The following MEPE variants were observed in gnomAD, a reference collection of about 807,000 sequenced individuals.
MEPE encodes matrix extracellular phosphoglycoprotein, also known as matrix, extracellular phosphoglycoprotein with ASARM motif (bone).
MEPE carries 7 observed loss-of-function variants against 7.3 expected under a neutral mutation model. That is an observed-to-expected ratio of 0.95 (90% CI 0.54 to 1.79). The LOEUF is 1.79. Ranked by LOEUF, MEPE falls within the 40% of genes most tolerant of loss-of-function variation. MEPE has a pLI of 0.00. For synonymous variants in MEPE, 214 were observed against 213.1 expected, an observed-to-expected ratio of 1.00 and a Z score of -0.04; for missense variants, 623 against 628.2, an observed-to-expected ratio of 0.99 and a Z score of 0.09.
chr4:87,838,372 G>T (rs951371568), intron 2 of MEPE, among the ~76,000 whole-genome samples: 5 of 152,236 alleles, frequency 3.3e-5, no homozygotes, highest in Non-Finnish European at 7.4e-5. Flanking sequence ...CCACTTAGCG[G>T]TTGTCTGAGC....
chr4:87,841,891 A>G (rs1723030126), intron 3 of MEPE, among the ~76,000 whole-genome samples: 1 of 152,228 alleles, frequency 6.6e-6, no homozygotes, highest in Non-Finnish European at 1.5e-5. Context: ...ACCGTTGTGT[A>G]TCCAGTAATT....
At chr4:87,842,959 C>T (rs969919169) in intron 3 of MEPE, among the ~76,000 whole-genome samples, 3 of 152,148 alleles carry the variant, frequency 2.0e-5, no homozygotes, top group Non-Finnish European at 2.9e-5. Flanking sequence ...CTGTATATTG[C>T]TTTCTGAGCT....
intron 1 of MEPE, among the ~76,000 whole-genome samples, chr4:87,822,964 G>A (rs1722372773): frequency 6.6e-6 from 1 of 152,314 alleles, no homozygotes; most frequent in South Asian, 2.1e-4. Context: ...TGGTTGGTAT[G>A]GAGTTGTGCA....
intron 1 of MEPE, among the ~76,000 whole-genome samples, chr4:87,833,487 A>G (rs986442155): frequency 7.2e-5 from 11 of 152,220 alleles, no homozygotes; most frequent in Non-Finnish European, 1.5e-4. Context: ...TAATTTAGAA[A>G]AACATAGCCT....
chr4:87,841,376 T>G (rs1156551766), intron 3 of MEPE, among the ~76,000 whole-genome samples: 1 of 152,220 alleles, frequency 6.6e-6, no homozygotes, highest in Non-Finnish European at 1.5e-5. Context: ...AGTGATATAC[T>G]ACAAAGTTTA....
chr4:87,846,120 C>A lies in MEPE; in HGVS notation c.1252C>A (p.Gln418Lys), dbSNP rs1372342605. 2 of 1,592,816 alleles carry A rather than the reference C, an allele frequency of 1.3e-6. No homozygotes were observed. Among genetic ancestry groups the A allele is most frequent in the East Asian group, 2.3e-5 (1 of 43,916 alleles). ...RKGVDHSNRNQATLNEKQRFP... is the reference protein window; with the variant it reads ...RKGVDHSNRNKATLNEKQRFP... ...GGGTGTAGATCATTCTAATAGGAAC[C>A]AAGCAACCTTAAATGAAAAACAAAG... The change falls in exon 4 of 4, where the codon CAA becomes AAA. Residue 418 changes from glutamine (Q) to lysine (K), a missense_variant. Physicochemically the swap from Gln to Lys is moderately conservative, Grantham distance 53. Coordinates refer to ENST00000361056, the MANE Select transcript of MEPE (RefSeq NM_020203.6).
intron 3 of MEPE, chr4:87,839,555 G>C: frequency 1.5e-6 from 1 of 652,904 alleles, no homozygotes; most frequent in Non-Finnish European, 2.7e-6. Context: ...GTTATAAGAA[G>C]TACTACCATT....
rs1722401635 is a variant in MEPE at position 87,823,856 on chromosome 4, A to T, written c.-13+2385A>T. Among the ~76,000 whole-genome samples the T allele has an allele frequency of 2.0e-5, 3 of 152,218 alleles. No individual in the cohort carries two copies. In the South Asian group the frequency reaches 6.2e-4, roughly 32 times the overall value. Reference sequence around the variant, plus strand: ...TCAATTGAAAGTAAACCATGAAGCAATGACTTGGACATTTTGTTTATCCAT... The same window carrying T: ...TCAATTGAAAGTAAACCATGAAGCATTGACTTGGACATTTTGTTTATCCAT... On this transcript the variant is annotated intron_variant, in intron 1 of 3. Coordinates refer to the MEPE transcript ENST00000424957.
chr4:87,841,397 T>G (rs1578061259), intron 3 of MEPE, among the ~76,000 whole-genome samples: 1 of 152,326 alleles, frequency 6.6e-6, no homozygotes, highest in Non-Finnish European at 1.5e-5. Flanking sequence ...TTTCTATTTT[T>G]TTCTTATGGC....
chr4:87,827,259 C>T (rs1396135537), intron 1 of MEPE, among the ~76,000 whole-genome samples: 7 of 151,844 alleles, frequency 4.6e-5, no homozygotes, highest in Non-Finnish European at 7.4e-5. Flanking sequence ...TTTCAAACTA[C>T]GAAAAGTTTT....
chr4:87,829,865 C>CTTTT (rs3037623), upstream of MEPE, among the ~76,000 whole-genome samples: 33 of 111,836 alleles, frequency 3.0e-4, no homozygotes, highest in African/African-American at 4.2e-4. Context: ...CACCCAAATC[C>CTTTT]TTTTTTTTTT....
At position 87,846,037 on chromosome 4, in the gene MEPE, C is replaced by T; in HGVS notation, c.1169C>T (p.Ala390Val). ...AAAAGAAAAGAAGGCAGTAGTGATG[C>T]AGCTGAAAGTACCAACTATAATGAA... The part of the protein sequence containing the change: ...KEKRKEGSSD[A>V]AESTNYNEIP... Residue 390 changes from alanine (A) to valine (V), a missense_variant, in exon 4 of 4, where the codon GCA (alanine) becomes GTA (valine). Coordinates refer to ENST00000361056, the MANE Select transcript of MEPE (RefSeq NM_020203.6). 1 of 1,614,008 alleles carries T rather than the reference C, an allele frequency of 6.2e-7. No homozygotes were observed. The highest frequency in any genetic ancestry group is 8.5e-7 in the Non-Finnish European group (1 of 1,179,960).
At chr4:87,828,168 A>G (rs2109990060), upstream of MEPE, among the ~76,000 whole-genome samples, 1 of 152,300 alleles carries the variant, frequency 6.6e-6, no homozygotes, top group South Asian at 2.1e-4. Flanking sequence ...CAATCTAAGC[A>G]TCTGTATGGT....
intron 2 of MEPE, among the ~76,000 whole-genome samples, chr4:87,835,814 C>T (rs1722765850): frequency 6.6e-6 from 1 of 152,146 alleles, no homozygotes; most frequent in Non-Finnish European, 1.5e-5. Flanking sequence ...GTCTTGCTGA[C>T]CTAGCTCAAG....
rs77476854 is a variant in MEPE, at chr4:87,823,755, C to T, written c.-13+2284C>T. 7.8e-3 allele frequency among the ~76,000 whole-genome samples: 1,180 copies of T among 152,182 alleles called. 56 individuals are homozygous for T. The East Asian group carries it at 0.093, about 12-fold the overall frequency. ...TGAGAAAGGCAGAAAAGCATACACA[C>T]TTTTTTCCTTTTCTTTTGAAAAGGA... On this transcript the variant is annotated intron_variant, in intron 1 of 3. Coordinates refer to the MEPE transcript ENST00000424957.
At chr4:87,832,330 T>C (rs1343094862), upstream of MEPE, among the ~76,000 whole-genome samples, 1 of 152,166 alleles carries the variant, frequency 6.6e-6, no homozygotes, top group African/African-American at 2.4e-5. Flanking sequence ...TGCCTTCTCA[T>C]TGAGGCCTTC....
intron 1 of MEPE, among the ~76,000 whole-genome samples, chr4:87,826,955 T>C (rs1410041835): frequency 6.6e-6 from 1 of 152,238 alleles, no homozygotes; most frequent in African/African-American, 2.4e-5. Context: ...GGGTTGTCTA[T>C]TCACTCGGAT....
upstream of MEPE, among the ~76,000 whole-genome samples, chr4:87,831,020 T>C (rs1282503274): frequency 6.6e-6 from 1 of 152,114 alleles, no homozygotes; most frequent in Non-Finnish European, 1.5e-5. Flanking sequence ...AAAGGTGTGT[T>C]TCACTGTAGG....
chr4:87,832,095 T>A (rs149344670), upstream of MEPE, among the ~76,000 whole-genome samples: 6 of 152,052 alleles, frequency 3.9e-5, no homozygotes, highest in African/African-American at 1.4e-4. Context: ...ACAAATGCTG[T>A]GTCTTCACAC....
Sources: gnomAD v4.1 joint callset for allele counts (sites outside exome capture counted in the v4.1 genomes callset) on GRCh38, gnomAD v4.1.1 for gene constraint, MANE v1.5 for transcripts, NCBI Gene and HGNC (gene_info 2026-07-23, HGNC 2026-07-21) for gene names.